The following AMBRA1 variants were observed in gnomAD, a reference collection of about 807,000 sequenced individuals.
AMBRA1 encodes the protein activating molecule in BECN1-regulated autophagy protein 1.
A neutral mutation model predicts 125.4 loss-of-function variants in AMBRA1; 47 were observed. That is an observed-to-expected ratio of 0.37 (90% CI 0.30 to 0.48). The LOEUF (loss-of-function observed/expected upper bound fraction) is 0.48. AMBRA1 is among the 20% of genes least tolerant of loss of function. The pLI, the probability that AMBRA1 is intolerant of heterozygous loss-of-function variation, is 0.99. For missense variants in AMBRA1, 1,331 were observed against 1,693.4 expected (o/e 0.79, Z 3.76); for synonymous variants, 626 against 655.5 (o/e 0.95, Z 0.69).
At chr11:46,426,112 A>C (rs1947121453) in intron 14 of AMBRA1, among the ~76,000 whole-genome samples, 1 of 152,116 alleles carries the variant, frequency 6.6e-6, no homozygotes, top group Non-Finnish European at 1.5e-5. Context: ...GGAAATGAGT[A>C]AGATGCTCCC....
At chr11:46,455,028 C>G (rs12280708) in intron 11 of AMBRA1, among the ~76,000 whole-genome samples, 1 of 151,604 alleles carries the variant, frequency 6.6e-6, no homozygotes, top group East Asian at 1.9e-4. Flanking sequence ...CACAGGTGTA[C>G]GCCACCCCAC....
intron 3 of AMBRA1, 42 bp downstream of exon 3, chr11:46,547,775 A>T: frequency 6.4e-7 from 1 of 1,570,412 alleles, no homozygotes; most frequent in Non-Finnish European, 8.7e-7. Context: ...TACAGAAAGC[A>T]CTGTTATCAC....
Position 46,545,730 on chromosome 11 carries a change from G to A in AMBRA1, c.425C>T (p.Ser142Phe). The A allele has an allele frequency of 1.2e-6, 2 of 1,614,184 alleles. No individual in the cohort carries two copies. The highest frequency in any genetic ancestry group is 1.7e-6 in the Non-Finnish European group (2 of 1,180,020). ...CTGAGCCGTAGGGTGGAAAGCCAGGGAGGCAATGGCATTGTTGCTATCTGT... is the reference window on the plus strand; with the variant it reads ...CTGAGCCGTAGGGTGGAAAGCCAGGAAGGCAATGGCATTGTTGCTATCTGT... ...WFTDSNNAIA[S>F]LAFHPTAQLL... Residue 142 changes from serine to phenylalanine, a missense_variant, in exon 5 of 18, where the codon TCC becomes TTC. Physicochemically the swap from Ser to Phe is radical, Grantham distance 155. Around this residue, in one of 4 missense-constraint regions of AMBRA1, gnomAD observed 144 missense variants for 250.4 expected, o/e 0.58. Coordinates refer to ENST00000683756, the MANE Select transcript of AMBRA1 (RefSeq NM_001387011.1).
At chr11:46,479,739 T>TTA (rs1331648091) in intron 11 of AMBRA1, among the ~76,000 whole-genome samples, 3 of 152,076 alleles carry the variant, frequency 2.0e-5, no homozygotes, top group African/African-American at 7.2e-5. Context: ...ACAGGTTAGT[T>TTA]TACTGGTGAA....
intron 7 of AMBRA1, among the ~76,000 whole-genome samples, chr11:46,530,259 T>C (rs1160262946): frequency 6.6e-6 from 1 of 152,148 alleles, no homozygotes; most frequent in Non-Finnish European, 1.5e-5. Flanking sequence ...TCTTTTCATG[T>C]TTCAGGATGT....
intron 2 of AMBRA1, 137 bp from the exon 3 acceptor site, chr11:46,548,012 C>T (rs1276285017): frequency 8.1e-7 from 1 of 1,229,336 alleles, no homozygotes; most frequent in African/African-American, 1.5e-5. Flanking sequence ...GATCAAGCTA[C>T]AAATTGAGAG....
chr11:46,543,536 T>C, intron 6 of AMBRA1, 138 bp from the exon 7 acceptor site: 1 of 1,103,844 alleles, frequency 9.1e-7, no homozygotes, highest in Non-Finnish European at 1.3e-6. Context: ...TCTCTACCCC[T>C]GAAGCACTGA....
intron 14 of AMBRA1, chr11:46,429,148 C>T (rs758513329): frequency 3.1e-5 from 49 of 1,587,142 alleles, no homozygotes; most frequent in Non-Finnish European, 3.9e-5. Flanking sequence ...TAGGCATCAA[C>T]ATCTGGCAGG....
intron 14 of AMBRA1, among the ~76,000 whole-genome samples, chr11:46,427,479 T>C (rs1029896266): frequency 3.3e-5 from 5 of 152,186 alleles, no homozygotes; most frequent in African/African-American, 1.2e-4. Flanking sequence ...AAGGTCTAGA[T>C]GGAATCGCCC....
At chr11:46,462,380 A>G (rs1208765040) in intron 11 of AMBRA1, among the ~76,000 whole-genome samples, 1 of 152,068 alleles carries the variant, frequency 6.6e-6, no homozygotes, top group Non-Finnish European at 1.5e-5. Context: ...CCCATACAAA[A>G]CCATCTATCT....
intron 8 of AMBRA1, among the ~76,000 whole-genome samples, chr11:46,509,857 G>T (rs1020449006): frequency 6.6e-6 from 1 of 152,078 alleles, no homozygotes; most frequent in Non-Finnish European, 1.5e-5. Context: ...TAGATTTTCG[G>T]TTTTTTAATG....
At chr11:46,585,001 G>C (rs1414061048) in intron 1 of AMBRA1, among the ~76,000 whole-genome samples, 1 of 152,138 alleles carries the variant, frequency 6.6e-6, no homozygotes, top group Non-Finnish European at 1.5e-5. Context: ...GAACCTGGGA[G>C]GTAGAGGTTG....
rs1945472030 is a variant in AMBRA1 at position 46,396,495 on chromosome 11, A to C, written c.*955T>G. The C allele has an allele frequency of 6.6e-6, 1 of 152,574 alleles. No homozygotes were observed. Among genetic ancestry groups the C allele is most frequent in the South Asian group, 2.1e-4 (1 of 4,828 alleles). 9.5% of individuals were successfully genotyped at this position (152,574 alleles called of 1,614,324 possible). A position where few individuals can be genotyped will look rare whatever the true frequency, so the allele number is the denominator to read the frequency against. On this transcript the variant is annotated 3_prime_UTR_variant, in exon 18 of 18. Coordinates refer to ENST00000683756, the MANE Select transcript of AMBRA1 (RefSeq NM_001387011.1). ...AGACTATCCCCTCTCCTCCCACCAC[A>C]ATGTTTCTATGATGAGTTACAAACA...
At chr11:46,497,273 G>C (rs887766664) in intron 9 of AMBRA1, among the ~76,000 whole-genome samples, 3 of 152,170 alleles carry the variant, frequency 2.0e-5, no homozygotes, top group African/African-American at 7.2e-5. Context: ...AGTGTTTAGA[G>C]ATTAGTGGGG....
At chr11:46,436,811 C>A (rs61451984) in intron 12 of AMBRA1, among the ~76,000 whole-genome samples, 1,824 of 152,140 alleles carry the variant, frequency 0.012, 43 homozygotes, top group African/African-American at 0.042. Context: ...GAAAAATAAA[C>A]AGAAACTAAC....
intron 17 of AMBRA1, among the ~76,000 whole-genome samples, chr11:46,404,526 C>A (rs1247287896): frequency 6.6e-6 from 1 of 152,214 alleles, no homozygotes; most frequent in Non-Finnish European, 1.5e-5. Context: ...CTGACCCACA[C>A]CTCCCCTGCC....
intron 1 of AMBRA1, among the ~76,000 whole-genome samples, chr11:46,569,440 A>AAAAATATATATATAT (rs1477022124): frequency 2.3e-5 from 3 of 131,370 alleles, no homozygotes; most frequent in African/African-American, 8.8e-5. Context: ...AAAAAAAAAA[A>AAAAATATATATATAT]ATATATATAT....
chr11:46,474,492 G>A (rs923874883), intron 11 of AMBRA1, among the ~76,000 whole-genome samples: 10 of 151,918 alleles, frequency 6.6e-5, no homozygotes, highest in Non-Finnish European at 1.5e-4. Context: ...AGGTTCAAGC[G>A]ATTCTCCTGC....
chr11:46,545,592 C>T lies in AMBRA1; in HGVS notation c.551+12G>A. On this transcript the variant is annotated intron_variant, in intron 5 of 17. Transcript: ENST00000683756. ...CCTGTGCCAGACAATGCAGATGGGG[C>T]AGCGCACTCACCGGACCCGTTCCAT... 1 of 1,612,402 alleles carries T rather than the reference C, an allele frequency of 6.2e-7. No individual in the cohort carries two copies. The highest frequency in any genetic ancestry group is 1.1e-5 in the South Asian group (1 of 90,892).
Sources: gnomAD v4.1 joint callset for allele counts (sites outside exome capture counted in the v4.1 genomes callset) on GRCh38, gnomAD v4.1.1 for gene constraint, gnomAD v4.1.1 regional missense constraint, MANE v1.5 for transcripts, NCBI Gene and HGNC (gene_info 2026-07-23, HGNC 2026-07-21) for gene names.